The following EFCAB6 variants were observed in gnomAD, a reference collection of about 807,000 sequenced individuals.
EFCAB6 encodes the protein EF-hand calcium-binding domain-containing protein 6.
In EFCAB6, 156 loss-of-function variants were observed where a neutral mutation model predicts 169.8. The ratio of observed to expected loss-of-function variants is 0.92; its 90% CI spans 0.81 to 1.05. The LOEUF (loss-of-function observed/expected upper bound fraction) is 1.05, where lower values mean the gene tolerates loss of function less well. Among genes scored for constraint, EFCAB6 ranks in the 50% least tolerant of loss-of-function variants. The probability of loss-of-function intolerance (pLI) is 0.00; values close to 1 mark genes in which losing one functional copy is unlikely to be tolerated. For missense variants in EFCAB6, 1,800 were observed against 1,829.1 expected (o/e 0.98, Z 0.29); for synonymous variants, 698 against 676.4 (o/e 1.03, Z -0.50).
chr22:43,684,458 G>A (rs1397811536), intron 11 of EFCAB6, among the ~76,000 whole-genome samples: 1 of 152,072 alleles, frequency 6.6e-6, no homozygotes, highest in African/African-American at 2.4e-5. Flanking sequence ...AGTTCAATGT[G>A]GACTTGGCTC....
In EFCAB6 at chr22:43,744,063, G is replaced by A. The variant is rs145312611; in HGVS notation, c.508-8070C>T. 1.5e-3 allele frequency among the ~76,000 whole-genome samples: 225 copies of A among 151,632 alleles called. No homozygotes were observed. The highest frequency in any genetic ancestry group is 5.4e-3 in the African/African-American group (221 of 41,190). The stretch of plus-strand genomic sequence containing the variant: ...ATGAATGGGTTATGGATGCATGGAT[G>A]GATGAACGGATGAATGGATGAATGA... On this transcript the variant is annotated intron_variant, in intron 6 of 31. Coordinates refer to ENST00000262726, the MANE Select transcript of EFCAB6 (RefSeq NM_022785.4). The surrounding 1 kb of genome is among the most constrained non-coding windows in gnomAD (Gnocchi z 4.3).
At chr22:43,622,571 C>A (rs1442977851) in intron 20 of EFCAB6, among the ~76,000 whole-genome samples, 1 of 152,122 alleles carries the variant, frequency 6.6e-6, no homozygotes, top group Admixed American at 6.6e-5. Flanking sequence ...CATCTCAAAA[C>A]AAACAAGCAA....
At chr22:43,716,144 C>T (rs2147426913) in intron 9 of EFCAB6, among the ~76,000 whole-genome samples, 1 of 152,286 alleles carries the variant, frequency 6.6e-6, no homozygotes, top group African/African-American at 2.4e-5. Flanking sequence ...TGTTTACCCA[C>T]ATTACTTACA....
intron 21 of EFCAB6, among the ~76,000 whole-genome samples, chr22:43,610,969 T>C (rs1020738706): frequency 2.6e-5 from 4 of 152,334 alleles, no homozygotes; most frequent in African/African-American, 9.6e-5. Context: ...AGAATCACAA[T>C]TTACTGGGAC....
At chr22:43,698,054 T>C (rs770961315) in intron 10 of EFCAB6, among the ~76,000 whole-genome samples, 3 of 152,166 alleles carry the variant, frequency 2.0e-5, no homozygotes, top group African/African-American at 7.2e-5. Context: ...CCCTGCAATA[T>C]AGCCATAGGT....
chr22:43,651,295 C>T (rs2056455686), intron 17 of EFCAB6, among the ~76,000 whole-genome samples: 1 of 152,182 alleles, frequency 6.6e-6, no homozygotes, highest in Admixed American at 6.5e-5. Flanking sequence ...TGAAAGGGGC[C>T]AATTTAGAGC....
intron 6 of EFCAB6, among the ~76,000 whole-genome samples, chr22:43,745,566 CG>C (rs1569464577): frequency 6.6e-6 from 1 of 152,162 alleles, no homozygotes; most frequent in Non-Finnish European, 1.5e-5. Flanking sequence ...GAGGGGGCTT[CG>C]GGCACCCCCA....
chr22:43,787,581 T>C (rs1352276968), intron 2 of EFCAB6, among the ~76,000 whole-genome samples: 1 of 152,152 alleles, frequency 6.6e-6, no homozygotes, highest in East Asian at 1.9e-4. Flanking sequence ...CACTAAAAAC[T>C]ACACAATATT....
intron 21 of EFCAB6, among the ~76,000 whole-genome samples, chr22:43,611,612 C>T (rs1460906897): frequency 6.6e-6 from 1 of 152,038 alleles, no homozygotes; most frequent in Non-Finnish European, 1.5e-5. Flanking sequence ...GTCTGGGAAA[C>T]ATGGCGAAAC....
intron 2 of EFCAB6, among the ~76,000 whole-genome samples, chr22:43,785,179 G>C (rs2062029659): frequency 6.6e-6 from 1 of 152,030 alleles, no homozygotes; most frequent in Non-Finnish European, 1.5e-5. Context: ...AAACCAACTA[G>C]ACCTCACAGA....
At chr22:43,727,887 A>C (rs577523262) in intron 8 of EFCAB6, among the ~76,000 whole-genome samples, 2 of 151,856 alleles carry the variant, frequency 1.3e-5, no homozygotes, top group East Asian at 1.9e-4. Flanking sequence ...GGCTTCAAGA[A>C]GTTTTTTTTT....
In EFCAB6 at chr22:43,678,080, T is replaced by C. The variant is rs2147058604; in HGVS notation, c.1335A>G (p.Lys445=). 1 of 1,614,056 alleles carries C rather than the reference T, an allele frequency of 6.2e-7. No individual in the cohort carries two copies. The highest frequency in any genetic ancestry group is 1.6e-4 in the Middle Eastern group (1 of 6,062). The change falls in exon 13 of 32, where the codon AAA becomes AAG. Residue 445 remains lysine (K), a synonymous_variant. Coordinates refer to ENST00000262726, the MANE Select transcript of EFCAB6 (RefSeq NM_022785.4). ...MAVKLSDSEF[K]ELMQMLDPGD... Reference sequence around the variant, plus strand: ...CAGGGTCAAGCATTTGCATTAGTTCTTTGAATTCTGAATCGCTTAGTTTTA... The same window carrying C: ...CAGGGTCAAGCATTTGCATTAGTTCCTTGAATTCTGAATCGCTTAGTTTTA...
rs117201358 is a variant in EFCAB6 at position 43,804,502 on chromosome 22, G to A, written c.-8+4493C>T. Among the ~76,000 whole-genome samples the A allele has an allele frequency of 3.7e-4, 57 of 152,316 alleles. 1 individual carries two copies. The East Asian group carries it at 9.1e-3, about 24-fold the overall frequency. On this transcript the variant is annotated intron_variant, in intron 2 of 31. Coordinates refer to ENST00000262726, the MANE Select transcript of EFCAB6 (RefSeq NM_022785.4). ...TGACTGGACACGGTGGCTCACACCT[G>A]TAATCCCAGCACTTTGGGAGGCTGA... is the stretch of plus-strand genomic sequence containing the variant.
chr22:43,631,795 G>A (rs780269195), intron 19 of EFCAB6, among the ~76,000 whole-genome samples: 2 of 151,994 alleles, frequency 1.3e-5, no homozygotes, highest in Non-Finnish European at 2.9e-5. Context: ...TGAGGGAATG[G>A]ATGAACGCGT....
chr22:43,679,258 C>T (rs1162741938), intron 12 of EFCAB6, among the ~76,000 whole-genome samples: 1 of 152,142 alleles, frequency 6.6e-6, no homozygotes, highest in Non-Finnish European at 1.5e-5. Flanking sequence ...TACATGGTTT[C>T]CTGCATCTGG....
intron 2 of EFCAB6, among the ~76,000 whole-genome samples, chr22:43,808,782 G>C (rs2063007981): frequency 6.6e-6 from 1 of 152,196 alleles, no homozygotes; most frequent in African/African-American, 2.4e-5. Flanking sequence ...GAACTGGCAG[G>C]ATGGAAACAC....
rs567052112 is a variant in EFCAB6 at position 43,805,036 on chromosome 22, C to A, written c.-8+3959G>T. 3.9e-5 allele frequency among the ~76,000 whole-genome samples: 6 copies of A among 152,258 alleles called. No individual in the cohort carries two copies. The South Asian group carries it at 1.2e-3, about 32-fold the overall frequency. On this transcript the variant is annotated intron_variant, in intron 2 of 31. Transcript: ENST00000262726. ...TCAGTAAAGTTGCAGAATGCAAAGT[C>A]AACATTCAAAAATTGGTGGCATTTA...
rs181091439 is a variant in EFCAB6, at chr22:43,786,795, G to C, written c.-7-4470C>G. Among the ~76,000 whole-genome samples, 11 of 151,632 alleles carry C rather than the reference G, an allele frequency of 7.3e-5. No individual in the cohort carries two copies. In the East Asian group the frequency reaches 2.1e-3, roughly 29 times the overall value. ...AACCAATATTCCTTATGAGTATAGGGAAAATTCTCAAAAATAGAATCCAGC... is the reference window on the plus strand; with the variant it reads ...AACCAATATTCCTTATGAGTATAGGCAAAATTCTCAAAAATAGAATCCAGC... On this transcript the variant is annotated intron_variant, in intron 2 of 31. Transcript: ENST00000262726.
Position 43,595,126 on chromosome 22 carries a change from C to T in EFCAB6, c.2877-4897G>A, listed in dbSNP as rs540793741. ...AAAAATCTATGGGATGCAGCAAAAG[C>T]AGTGCTAAGAGGGACATGTATAGCA... On this transcript the variant is annotated intron_variant, in intron 23 of 31. Transcript: ENST00000262726. Among the ~76,000 whole-genome samples, 4 of 151,074 alleles carry T rather than the reference C, an allele frequency of 2.6e-5. No individual in the cohort carries two copies. In the East Asian group the frequency reaches 7.8e-4, roughly 29 times the overall value.
Sources: gnomAD v4.1 joint callset for allele counts (sites outside exome capture counted in the v4.1 genomes callset) on GRCh38, gnomAD v4.1.1 for gene constraint, Gnocchi (gnomAD v3.1) non-coding constraint, MANE v1.5 for transcripts, NCBI Gene and HGNC (gene_info 2026-07-23, HGNC 2026-07-21) for gene names.